The following ANKRD55 variants were observed in gnomAD, a reference collection of about 807,000 sequenced individuals.
ANKRD55 encodes the protein ankyrin repeat domain-containing protein 55.
In ANKRD55, 41 loss-of-function variants were observed where a neutral mutation model predicts 60.6. That is an observed-to-expected ratio of 0.68 (90% CI 0.53 to 0.88). The LOEUF is 0.88. Ranked by LOEUF, ANKRD55 falls within the 40% of genes least tolerant of loss-of-function variation. ANKRD55 has a pLI of 0.00. For missense variants in ANKRD55, 732 were observed against 767.6 expected (o/e 0.95, Z 0.55); for synonymous variants, 264 against 290.3 (o/e 0.91, Z 0.92).
chr5:56,130,609 C>T (rs190920662), intron 7 of ANKRD55, among the ~76,000 whole-genome samples: 28 of 152,246 alleles, frequency 1.8e-4, no homozygotes, highest in South Asian at 6.2e-4. Context: ...TAAAGCATGC[C>T]AAAAGGTGAA....
At chr5:56,212,840 G>A (rs1759710333) in intron 2 of ANKRD55, among the ~76,000 whole-genome samples, 2 of 151,994 alleles carry the variant, frequency 1.3e-5, no homozygotes, top group South Asian at 4.1e-4. Flanking sequence ...AGAATAAGTA[G>A]AATTAATAAG....
At chr5:56,173,964 T>C (rs1758681745) in intron 4 of ANKRD55, among the ~76,000 whole-genome samples, 2 of 152,330 alleles carry the variant, frequency 1.3e-5, no homozygotes, top group African/African-American at 4.8e-5. Flanking sequence ...CATTTTTCTT[T>C]AATTCTTGAA....
At chr5:56,197,573 AGATT>A (rs1408620263) in intron 2 of ANKRD55, among the ~76,000 whole-genome samples, 1 of 152,196 alleles carries the variant, frequency 6.6e-6, no homozygotes, top group Non-Finnish European at 1.5e-5. Context: ...ACTATCTTTT[AGATT>A]AAGATCTTCG....
chr5:56,228,031 C>A (rs375557845), intron 2 of ANKRD55, among the ~76,000 whole-genome samples: 1 of 152,164 alleles, frequency 6.6e-6, no homozygotes, highest in Non-Finnish European at 1.5e-5. Flanking sequence ...CACAGTGTTG[C>A]GTGCTTTCTG....
intron 6 of ANKRD55, among the ~76,000 whole-genome samples, chr5:56,153,985 G>A (rs951208553): frequency 6.6e-6 from 1 of 151,738 alleles, no homozygotes; most frequent in East Asian, 1.9e-4. Context: ...GCTGAGGCGG[G>A]TGGGTCACGA....
rs78791923 is a variant in ANKRD55, at chr5:56,156,354, G to A, written c.483+3479C>T. 1.7e-3 allele frequency among the ~76,000 whole-genome samples: 256 copies of A among 152,252 alleles called. 1 individual carries two copies. The highest frequency in any genetic ancestry group is 5.9e-3 in the African/African-American group (245 of 41,532). ...GTCCCTTTGCATGAGGAGGAACCAG[G>A]GACTTTTCCAATATTTACCACATAT... is the stretch of plus-strand genomic sequence containing the variant. On this transcript the variant is annotated intron_variant, in intron 6 of 11. Coordinates refer to ENST00000341048, the MANE Select transcript of ANKRD55 (RefSeq NM_024669.3).
chr5:56,100,285 C>T lies in ANKRD55; in HGVS notation c.1743G>A (p.Leu581=). ...TTGCAGGAAGCACTCGGTTTGTCCG[C>T]AGAGGTTCTCCAGATAGAACTGGGA... ...PDQKFLSGEP[L]RTNRVLPAIP... Residue 581 remains leucine (L), a synonymous_variant, in exon 12 of 12, where the codon CTG becomes CTA. Coordinates refer to ENST00000341048, the MANE Select transcript of ANKRD55 (RefSeq NM_024669.3). 1 of 1,614,164 alleles carries T rather than the reference C, an allele frequency of 6.2e-7. No homozygotes were observed. Among genetic ancestry groups the T allele is most frequent in the Non-Finnish European group, 8.5e-7 (1 of 1,180,024 alleles).
chr5:56,125,429 C>T (rs765551704), intron 8 of ANKRD55, among the ~76,000 whole-genome samples: 7 of 151,752 alleles, frequency 4.6e-5, no homozygotes. Flanking sequence ...TATAGGTGTC[C>T]GCCACCACAC....
At chr5:56,172,121 G>GAA (rs11362837) in intron 4 of ANKRD55, among the ~76,000 whole-genome samples, 5 of 87,136 alleles carry the variant, frequency 5.7e-5, no homozygotes, top group Non-Finnish European at 5.7e-5. Context: ...TCTGTCTCAA[G>GAA]AAAAAAAAAA....
At chr5:56,185,592 C>T (rs1374425585) in intron 2 of ANKRD55, among the ~76,000 whole-genome samples, 4 of 151,544 alleles carry the variant, frequency 2.6e-5, no homozygotes, top group Admixed American at 6.6e-5. Context: ...TGCTTGAACC[C>T]GGGAGGTGGA....
chr5:56,111,516 G>C lies in ANKRD55; in HGVS notation c.1232C>G (p.Ser411Ter). The C allele has an allele frequency of 6.2e-7, 1 of 1,614,108 alleles. No homozygotes were observed. Among genetic ancestry groups the C allele is most frequent in the Non-Finnish European group, 8.5e-7 (1 of 1,180,020 alleles). ...VAMVEFKKKT[S>*]DNSKYLLPEK... ...TGGTAAGAGATATTTTGAATTGTCT[G>C]AGGTTTTCTTCTTAAATTCAACCAT... The change falls in exon 10 of 12, where the codon TCA becomes TGA. Residue 411 changes from serine (S) to a stop codon, truncating the protein, a stop_gained. Coordinates refer to ENST00000341048, the MANE Select transcript of ANKRD55 (RefSeq NM_024669.3). LOFTEE classifies it high-confidence loss of function.
intron 8 of ANKRD55, among the ~76,000 whole-genome samples, chr5:56,118,622 T>C: frequency 7.2e-6 from 1 of 139,614 alleles, no homozygotes; most frequent in South Asian, 2.3e-4. Context: ...AGACTCCATC[T>C]CAAAAAATAA....
chr5:56,229,319 C>T (rs143375970), intron 2 of ANKRD55, among the ~76,000 whole-genome samples: 2 of 152,152 alleles, frequency 1.3e-5, no homozygotes, highest in African/African-American at 4.8e-5. Flanking sequence ...GGAAAGAACA[C>T]GTGGGACCAG....
intron 10 of ANKRD55, among the ~76,000 whole-genome samples, chr5:56,108,776 C>T (rs866394243): frequency 7.9e-5 from 12 of 152,176 alleles, no homozygotes; most frequent in Admixed American, 2.0e-4. Flanking sequence ...CAGTGGCTCA[C>T]GCCTGTAATC....
At chr5:56,119,745 C>G (rs929113722) in intron 8 of ANKRD55, among the ~76,000 whole-genome samples, 1 of 148,560 alleles carries the variant, frequency 6.7e-6, no homozygotes, top group Non-Finnish European at 1.5e-5. Flanking sequence ...AAAACCCAGT[C>G]TCTACAAAAA....
rs1757277654 is a variant in ANKRD55 at position 56,126,941 on chromosome 5, C to T, written c.778G>A (p.Ala260Thr). The change falls in exon 8 of 12, where the codon GCT becomes ACT. Residue 260 changes from alanine (A) to threonine (T), a missense_variant. Transcript: ENST00000341048. ...LARVPECNLQALDVDDRTPLH... is the reference protein window; with the variant it reads ...LARVPECNLQTLDVDDRTPLH... Reference sequence around the variant, plus strand: ...GGATACCTGTCATCCACATCCAGAGCCTGCAGGTTACACTCAGGGACTCTT... The same window carrying T: ...GGATACCTGTCATCCACATCCAGAGTCTGCAGGTTACACTCAGGGACTCTT... 6.2e-7 allele frequency: 1 copy of T among 1,610,868 alleles called. No individual in the cohort carries two copies. Among genetic ancestry groups the T allele is most frequent in the Non-Finnish European group, 8.5e-7 (1 of 1,178,104 alleles).
At chr5:56,154,352 A>T (rs1405762861) in intron 6 of ANKRD55, among the ~76,000 whole-genome samples, 1 of 152,140 alleles carries the variant, frequency 6.6e-6, no homozygotes. Flanking sequence ...ACGAGAGAAG[A>T]TTACTTGTTC....
At chr5:56,107,695 C>T (rs910779944) in intron 10 of ANKRD55, among the ~76,000 whole-genome samples, 1 of 152,090 alleles carries the variant, frequency 6.6e-6, no homozygotes. Flanking sequence ...CATGGGGACA[C>T]GCATTTTTCC....
At chr5:56,152,202 C>T (rs1460510194) in intron 6 of ANKRD55, among the ~76,000 whole-genome samples, 1 of 149,436 alleles carries the variant, frequency 6.7e-6, no homozygotes, top group Non-Finnish European at 1.5e-5. Context: ...CTTTTGCTAA[C>T]TGTAAAGTTA....
Sources: allele counts gnomAD v4.1 joint callset (sites outside exome capture counted in the v4.1 genomes callset), GRCh38; gene constraint gnomAD v4.1.1; transcripts MANE v1.5; gene names NCBI Gene and HGNC (gene_info 2026-07-23, HGNC 2026-07-21).